Variants in GAP43 observed in about 807,000 individuals in gnomAD.
GAP43 encodes the protein growth associated protein 43.
In GAP43, 6 loss-of-function variants were observed where a neutral mutation model predicts 18.6. The observed-to-expected ratio is 0.32, with a 90% CI of 0.18 to 0.64. The LOEUF (loss-of-function observed/expected upper bound fraction) is 0.64, where lower values mean the gene tolerates loss of function less well. Ranked by LOEUF, GAP43 falls within the 30% of genes least tolerant of loss-of-function variation. The pLI, the probability that GAP43 is intolerant of heterozygous loss-of-function variation, is 0.78. For synonymous variants in GAP43, 115 were observed against 111.4 expected (o/e 1.03, Z -0.20); for missense variants, 292 against 295.5 (o/e 0.99, Z 0.09).
intron 2 of GAP43, among the ~76,000 whole-genome samples, chr3:115,715,821 A>G (rs910770276): frequency 1.3e-5 from 2 of 152,206 alleles, no homozygotes; most frequent in Admixed American, 6.5e-5. Flanking sequence ...TCCCTGCTTT[A>G]GTTATCACTC....
chr3:115,639,071 T>C (rs1247582251), intron 1 of GAP43, among the ~76,000 whole-genome samples: 1 of 152,058 alleles, frequency 6.6e-6, no homozygotes, highest in Non-Finnish European at 1.5e-5. Context: ...AATGAACAAA[T>C]ACCAGTGTCC....
intron 2 of GAP43, among the ~76,000 whole-genome samples, chr3:115,698,855 T>C (rs180944113): frequency 1.0e-3 from 154 of 152,272 alleles, no homozygotes; most frequent in Middle Eastern, 3.4e-3. Context: ...TGGTAATCCT[T>C]CATTTCTTAC....
chr3:115,719,335 T>C (rs1036677143), intron 2 of GAP43, among the ~76,000 whole-genome samples: 1 of 152,186 alleles, frequency 6.6e-6, no homozygotes, highest in Non-Finnish European at 1.5e-5. Context: ...TTTGTAAAGT[T>C]GACCATTGGC....
intron 2 of GAP43, among the ~76,000 whole-genome samples, chr3:115,717,373 G>T (rs1381733073): frequency 1.3e-5 from 2 of 151,336 alleles, no homozygotes; most frequent in Non-Finnish European, 2.9e-5. Context: ...GCAATGGCAG[G>T]ATCTCTGCTC....
At chr3:115,705,055 C>T in intron 2 of GAP43, among the ~76,000 whole-genome samples, 1 of 151,922 alleles carries the variant, frequency 6.6e-6, no homozygotes, top group South Asian at 2.1e-4. Context: ...GTAGATACAG[C>T]CATAAGGGAA....
intron 2 of GAP43, among the ~76,000 whole-genome samples, chr3:115,679,441 C>T (rs1708933446): frequency 6.6e-6 from 1 of 152,036 alleles, no homozygotes; most frequent in Non-Finnish European, 1.5e-5. Flanking sequence ...CAAGTATGTC[C>T]ACCTCTCCCT....
intron 1 of GAP43, among the ~76,000 whole-genome samples, chr3:115,671,431 A>T (rs1310080422): frequency 6.6e-6 from 1 of 152,198 alleles, no homozygotes; most frequent in African/African-American, 2.4e-5. Context: ...TCCAACCAAT[A>T]TTCATCTGAG....
chr3:115,701,922 T>A (rs1375168454), intron 2 of GAP43, among the ~76,000 whole-genome samples: 1 of 152,148 alleles, frequency 6.6e-6, no homozygotes, highest in African/African-American at 2.4e-5. Context: ...TATTTTTAAA[T>A]CTTTTCTTTC....
intron 2 of GAP43, among the ~76,000 whole-genome samples, chr3:115,678,943 G>T (rs1708925546): frequency 6.6e-6 from 1 of 151,208 alleles, no homozygotes; most frequent in African/African-American, 2.4e-5. Context: ...ACTCCGCTGT[G>T]ATGAATCTCA....
At chr3:115,720,487 T>A (rs546029367) in intron 2 of GAP43, among the ~76,000 whole-genome samples, 4 of 152,290 alleles carry the variant, frequency 2.6e-5, no homozygotes, top group African/African-American at 9.6e-5. Flanking sequence ...GAAGATCCTG[T>A]ATGTGGATAC....
At chr3:115,678,454 TAA>T (rs932881455) in intron 2 of GAP43, among the ~76,000 whole-genome samples, 27 of 152,224 alleles carry the variant, frequency 1.8e-4, no homozygotes, top group Middle Eastern at 3.4e-3. Context: ...TAAAAGAAAT[TAA>T]GTTTTATTAT....
At chr3:115,683,147 G>GCACACACACACACACACA (rs869219452) in intron 2 of GAP43, among the ~76,000 whole-genome samples, 3 of 127,396 alleles carry the variant, frequency 2.4e-5, no homozygotes, top group Admixed American at 1.6e-4. Flanking sequence ...GCGCGCGCGC[G>GCACACACACACACACACA]CACACACACA....
intron 2 of GAP43, among the ~76,000 whole-genome samples, chr3:115,698,622 G>C (rs751552633): frequency 1.3e-5 from 2 of 151,736 alleles, no homozygotes; most frequent in African/African-American, 4.8e-5. Context: ...TGTGGGTAGA[G>C]GATGGAAATG....
chr3:115,698,463 A>G (rs1265721120), intron 2 of GAP43, among the ~76,000 whole-genome samples: 2 of 149,060 alleles, frequency 1.3e-5, no homozygotes, highest in African/African-American at 5.0e-5. Context: ...TTAAGATTCT[A>G]ACTGTGGTTG....
rs1367677595 is a variant in GAP43, at chr3:115,639,143, A to G, written c.30+15424A>G. On this transcript the variant is annotated intron_variant, in intron 1 of 2. Coordinates refer to ENST00000305124, the MANE Select transcript of GAP43 (RefSeq NM_002045.4). Reference sequence around the variant, plus strand: ...TAAGGCAAAGGTTGGCCAGCTTACAATGATCAGTCATGGAAACTGTTCACT... The same window carrying G: ...TAAGGCAAAGGTTGGCCAGCTTACAGTGATCAGTCATGGAAACTGTTCACT... Among the ~76,000 whole-genome samples, 3 of 152,138 alleles carry G rather than the reference A, an allele frequency of 2.0e-5. No homozygotes were observed. The South Asian group carries it at 6.2e-4, about 31-fold the overall frequency.
intron 1 of GAP43, among the ~76,000 whole-genome samples, chr3:115,662,246 T>C (rs186291030): frequency 6.6e-6 from 1 of 152,350 alleles, no homozygotes; most frequent in Non-Finnish European, 1.5e-5. Context: ...CCCACTGCAC[T>C]ATCGCCACCA....
chr3:115,670,494 C>T (rs561026297), intron 1 of GAP43, among the ~76,000 whole-genome samples: 4 of 152,118 alleles, frequency 2.6e-5, no homozygotes, highest in Admixed American at 6.5e-5. Context: ...GAGGCTGGCC[C>T]ACTGTCTTCT....
chr3:115,626,239 AAAAC>A (rs1708186333), intron 1 of GAP43, among the ~76,000 whole-genome samples: 1 of 152,200 alleles, frequency 6.6e-6, no homozygotes, highest in Admixed American at 6.5e-5. Flanking sequence ...AACAGGGAAT[AAAAC>A]AAGGGCAAAA....
At chr3:115,664,517 A>G (rs1422530682) in intron 1 of GAP43, among the ~76,000 whole-genome samples, 1 of 152,182 alleles carries the variant, frequency 6.6e-6, no homozygotes, top group Non-Finnish European at 1.5e-5. Flanking sequence ...GAAAACTGAA[A>G]TTTAGAGAAA....
Sources: gnomAD v4.1 joint callset for allele counts (sites outside exome capture counted in the v4.1 genomes callset) on GRCh38, gnomAD v4.1.1 for gene constraint, MANE v1.5 for transcripts, NCBI Gene and HGNC (gene_info 2026-07-23, HGNC 2026-07-21) for gene names.